The following SLIT3 variants were observed in gnomAD, a reference collection of about 807,000 sequenced individuals.
SLIT3 encodes the protein slit guidance ligand 3.
Under a neutral mutation model 184.0 loss-of-function variants are expected in SLIT3, and 68 were observed. That is an observed-to-expected ratio of 0.37 (90% confidence interval 0.30 to 0.45). The LOEUF is 0.45. SLIT3 is among the 20% of genes least tolerant of loss of function. The probability of loss-of-function intolerance (pLI) is 1.00; values close to 1 mark genes in which losing one functional copy is unlikely to be tolerated. For missense variants in SLIT3, 1,707 were observed against 2,026.0 expected (o/e 0.84, Z 3.02); for synonymous variants, 831 against 828.6 (o/e 1.00, Z -0.05).
intron 5 of SLIT3, among the ~76,000 whole-genome samples, chr5:168,866,176 G>A (rs547853640): frequency 8.5e-5 from 13 of 152,350 alleles, no homozygotes; most frequent in African/African-American, 2.6e-4. Flanking sequence ...AAGTGCAGGC[G>A]GAGTCAGCAT....
At chr5:169,066,930 G>A (rs1320768884) in intron 4 of SLIT3, among the ~76,000 whole-genome samples, 1 of 125,168 alleles carries the variant, frequency 8.0e-6, no homozygotes, top group Admixed American at 9.0e-5. Flanking sequence ...GCAACACCAT[G>A]ATCCCTTTCC....
intron 4 of SLIT3, among the ~76,000 whole-genome samples, chr5:168,924,186 C>T (rs1339974617): frequency 6.6e-6 from 1 of 152,206 alleles, no homozygotes; most frequent in African/African-American, 2.4e-5. Flanking sequence ...TGGTGGCAGA[C>T]TTTTGGCCAC....
chr5:169,093,580 C>A (rs918880039), intron 4 of SLIT3, among the ~76,000 whole-genome samples: 1 of 152,200 alleles, frequency 6.6e-6, no homozygotes, highest in Non-Finnish European at 1.5e-5. Context: ...ATCCTTACAA[C>A]CCTTCCTGCC....
At chr5:169,243,995 C>T (rs1765491619) in intron 3 of SLIT3, among the ~76,000 whole-genome samples, 1 of 152,218 alleles carries the variant, frequency 6.6e-6, no homozygotes, top group African/African-American at 2.4e-5. Flanking sequence ...CCTACTTAAC[C>T]ATCTGAGCAG....
chr5:168,934,857 C>T (rs889884735), intron 4 of SLIT3, among the ~76,000 whole-genome samples: 5 of 151,348 alleles, frequency 3.3e-5, no homozygotes, highest in African/African-American at 9.7e-5. Flanking sequence ...AGGCTGGGCG[C>T]GGTGGCTCAC....
intron 4 of SLIT3, among the ~76,000 whole-genome samples, chr5:169,056,070 T>C (rs531139364): frequency 2.6e-5 from 4 of 152,058 alleles, no homozygotes; most frequent in South Asian, 2.1e-4. Context: ...AGTCTGGGAG[T>C]CTGGTTAGGC....
At chr5:169,296,518 G>T (rs1767505340) in intron 1 of SLIT3, among the ~76,000 whole-genome samples, 1 of 152,168 alleles carries the variant, frequency 6.6e-6, no homozygotes, top group East Asian at 1.9e-4. Context: ...CATCACCGTG[G>T]TTGACCCAGA....
chr5:169,292,961 G>A (rs928327831), intron 1 of SLIT3, among the ~76,000 whole-genome samples: 3 of 152,292 alleles, frequency 2.0e-5, no homozygotes, highest in South Asian at 2.1e-4. Context: ...TTTTGAATGC[G>A]CTGGCTGATA....
At chr5:168,941,525 C>T (rs1360613278) in intron 4 of SLIT3, among the ~76,000 whole-genome samples, 1 of 152,118 alleles carries the variant, frequency 6.6e-6, no homozygotes, top group African/African-American at 2.4e-5. Context: ...ATTTCTGCAC[C>T]GTACCTAAGT....
rs1211097493 is a variant in SLIT3 at position 168,724,397 on chromosome 5, C to A, written c.2339+19G>T. 6.2e-7 allele frequency: 1 copy of A among 1,606,542 alleles called. No homozygotes were observed. The highest frequency in any genetic ancestry group is 2.2e-5 in the East Asian group (1 of 44,788). On this transcript the variant is annotated intron_variant, in intron 21 of 35. Transcript: ENST00000519560. ...CAGCAGGGAAAAATAAACATCCCAC[C>A]CAATACTGGGCTCCTTACATAAGCG...
rs200706671 is a variant in SLIT3, at chr5:169,142,054, AAAAAATAAAAAT to A, written c.413+51413_413+51424del. Among the ~76,000 whole-genome samples, 59 of 140,198 alleles carry A rather than the reference AAAAAATAAAAAT, an allele frequency of 4.2e-4. 2 individuals carry two copies. Among genetic ancestry groups the A allele is most frequent in the South Asian group, 2.7e-3 (12 of 4,458 alleles). The allele number at this position is 140,198 out of a possible 152,430, so 92.0% of individuals were successfully genotyped here. ...GGCAGAGCGAGACTCCTACTCAAAAAAAAAATAAAAATAAAAATAAAAATAAAAATAAATAAA... is the reference window on the plus strand; with the variant it reads ...GGCAGAGCGAGACTCCTACTCAAAAAAAAAATAAAAATAAAAATAAATAAA... On this transcript the variant is annotated intron_variant, in intron 4 of 35. Coordinates refer to ENST00000519560, the MANE Select transcript of SLIT3 (RefSeq NM_003062.4).
chr5:168,927,672 C>T (rs1761873154), intron 4 of SLIT3, among the ~76,000 whole-genome samples: 3 of 152,220 alleles, frequency 2.0e-5, no homozygotes, highest in Non-Finnish European at 2.9e-5. Context: ...TCACCATGCC[C>T]GTTCATGTCT....
intron 1 of SLIT3, among the ~76,000 whole-genome samples, chr5:169,260,647 G>A (rs759605149): frequency 5.9e-5 from 9 of 152,150 alleles, no homozygotes; most frequent in African/African-American, 2.2e-4. Flanking sequence ...CCTCTGAAAT[G>A]ATCCCTGTGT....
At chr5:168,814,738 T>A (rs1175978677) in intron 8 of SLIT3, among the ~76,000 whole-genome samples, 1 of 152,218 alleles carries the variant, frequency 6.6e-6, no homozygotes, top group Non-Finnish European at 1.5e-5. Context: ...GTATTCGCAG[T>A]TTTTGCAATT....
intron 9 of SLIT3, among the ~76,000 whole-genome samples, chr5:168,795,922 G>C (rs140597895): frequency 1.3e-5 from 2 of 152,254 alleles, no homozygotes; most frequent in East Asian, 3.9e-4. Context: ...ATAAGTCAAA[G>C]GGATAAAGAG....
intron 1 of SLIT3, among the ~76,000 whole-genome samples, chr5:169,252,424 G>A (rs1451157771): frequency 6.6e-6 from 1 of 152,162 alleles, no homozygotes; most frequent in African/African-American, 2.4e-5. Context: ...GAGGGTGGAG[G>A]GCAGCATGGA....
chr5:169,227,708 G>A lies in SLIT3; in HGVS notation c.341+16997C>T, dbSNP rs563745680. On this transcript the variant is annotated intron_variant, in intron 3 of 35. Coordinates refer to ENST00000519560, the MANE Select transcript of SLIT3 (RefSeq NM_003062.4). ...CCCAAAGTTCTGGGATTACAAGCACGTGCCACCGCGCCCAGACCTTTCTCA... is the reference window on the plus strand; with the variant it reads ...CCCAAAGTTCTGGGATTACAAGCACATGCCACCGCGCCCAGACCTTTCTCA... 3.2e-4 allele frequency among the ~76,000 whole-genome samples: 48 copies of A among 152,310 alleles called. 2 individuals carry two copies. The South Asian group carries it at 9.1e-3, about 29-fold the overall frequency.
intron 4 of SLIT3, among the ~76,000 whole-genome samples, chr5:168,929,654 T>C (rs1258238289): frequency 2.0e-5 from 3 of 152,244 alleles, no homozygotes; most frequent in African/African-American, 4.8e-5. Flanking sequence ...GCTGTCTCTG[T>C]TGAGTGGCAG....
chr5:168,699,251 G>A (rs951242352), intron 27 of SLIT3, among the ~76,000 whole-genome samples: 9 of 152,342 alleles, frequency 5.9e-5, no homozygotes, highest in African/African-American at 1.2e-4. Flanking sequence ...GCGGGTTCCC[G>A]GGGGAAGAGA....
Sources: gnomAD v4.1 joint callset for allele counts (sites outside exome capture counted in the v4.1 genomes callset) on GRCh38, gnomAD v4.1.1 for gene constraint, MANE v1.5 for transcripts, NCBI Gene and HGNC (gene_info 2026-07-23, HGNC 2026-07-21) for gene names.